The following CPNE8 variants were observed in gnomAD, a reference collection of about 807,000 sequenced individuals.
CPNE8 encodes copine 8.
CPNE8 carries 45 observed loss-of-function variants against 81.5 expected under a neutral mutation model. That is an observed-to-expected ratio of 0.55 (90% confidence interval 0.44 to 0.71). The LOEUF is 0.71. CPNE8 is among the 30% of genes least tolerant of loss of function. The pLI, the probability that CPNE8 is intolerant of heterozygous loss-of-function variation, is 0.00. For synonymous variants in CPNE8, 252 were observed against 226.3 expected (o/e 1.11, Z -1.02); for missense variants, 594 against 672.1 (o/e 0.88, Z 1.28).
At chr12:38,796,919 T>C (rs746708657) in intron 6 of CPNE8, among the ~76,000 whole-genome samples, 1 of 152,204 alleles carries the variant, frequency 6.6e-6, no homozygotes, top group Admixed American at 6.5e-5. Context: ...CAGAGGGTCC[T>C]ACGTCCATGG....
chr12:38,777,141 C>A (rs1941954118), intron 6 of CPNE8, among the ~76,000 whole-genome samples: 1 of 151,916 alleles, frequency 6.6e-6, no homozygotes, highest in South Asian at 2.1e-4. Flanking sequence ...GGTACTGCCC[C>A]TGAAGGTTTT....
intron 7 of CPNE8, among the ~76,000 whole-genome samples, chr12:38,772,431 A>G (rs889790368): frequency 2.0e-5 from 3 of 152,220 alleles, no homozygotes; most frequent in Non-Finnish European, 2.9e-5. Flanking sequence ...TAAAAAATAG[A>G]AAATCAACCC....
chr12:38,703,415 T>G (rs182215560), intron 13 of CPNE8, among the ~76,000 whole-genome samples: 20 of 152,230 alleles, frequency 1.3e-4, no homozygotes, highest in African/African-American at 4.6e-4. Flanking sequence ...CATCCCTTCC[T>G]GATAAAACCC....
chr12:38,813,737 G>A lies in CPNE8; in HGVS notation c.407+15642C>T, dbSNP rs1394678270. On this transcript the variant is annotated intron_variant, in intron 6 of 19. Coordinates refer to ENST00000331366, the MANE Select transcript of CPNE8 (RefSeq NM_153634.3). ...CCATTAAGAGCTACAGAAATTTTCA[G>A]GAAAAGATTTTCACCCAGAATTCTG... 3.3e-5 allele frequency among the ~76,000 whole-genome samples: 5 copies of A among 152,122 alleles called. No homozygotes were observed. In the East Asian group the frequency reaches 5.8e-4, roughly 18 times the overall value.
chr12:38,688,261 T>C (rs375830494), intron 15 of CPNE8, among the ~76,000 whole-genome samples: 1 of 152,334 alleles, frequency 6.6e-6, no homozygotes, highest in East Asian at 1.9e-4. Context: ...AATCATTAGA[T>C]GTTCTATTCA....
intron 1 of CPNE8, among the ~76,000 whole-genome samples, chr12:38,901,280 A>G: frequency 6.6e-6 from 1 of 152,292 alleles, no homozygotes; most frequent in South Asian, 2.1e-4. Flanking sequence ...CAGGATGTAC[A>G]TTTGATACCT....
chr12:38,852,573 G>A (rs1943663879), intron 3 of CPNE8, among the ~76,000 whole-genome samples: 1 of 152,058 alleles, frequency 6.6e-6, no homozygotes, highest in Non-Finnish European at 1.5e-5. Flanking sequence ...TTGCATTTCA[G>A]CCTGGGCAAC....
upstream of CPNE8, chr12:38,905,956 G>A (rs1203207071): frequency 1.0e-6 from 1 of 985,240 alleles, no homozygotes; most frequent in East Asian, 1.1e-4. Context: ...GTGCTTTTAG[G>A]TTTTGTCTCC....
chr12:38,828,603 T>G (rs558958034), intron 6 of CPNE8, among the ~76,000 whole-genome samples: 3 of 152,178 alleles, frequency 2.0e-5, no homozygotes, highest in African/African-American at 2.4e-5. Context: ...ATATTTATTT[T>G]TTGAGTTTGA....
At chr12:38,691,575 T>A (rs1186374650) in intron 15 of CPNE8, among the ~76,000 whole-genome samples, 1 of 151,910 alleles carries the variant, frequency 6.6e-6, no homozygotes, top group Non-Finnish European at 1.5e-5. Flanking sequence ...TGAAACATTA[T>A]CATTAACATA....
At chr12:38,739,832 T>C (rs1941048094) in intron 10 of CPNE8, among the ~76,000 whole-genome samples, 2 of 152,168 alleles carry the variant, frequency 1.3e-5, no homozygotes, top group African/African-American at 4.8e-5. Context: ...AACATATGCA[T>C]TCCAATGGCT....
At chr12:38,720,521 C>T (rs967681042) in intron 13 of CPNE8, 1 of 152,064 alleles carries the variant, frequency 6.6e-6, no homozygotes, top group Non-Finnish European at 1.5e-5. Context: ...AAAAACAAGA[C>T]AAAAACTGAA....
intron 19 of CPNE8, among the ~76,000 whole-genome samples, chr12:38,661,742 T>G (rs1938958545): frequency 6.6e-6 from 1 of 152,046 alleles, no homozygotes; most frequent in African/African-American, 2.4e-5. Flanking sequence ...TGAACATAGA[T>G]GCAAACATCT....
intron 3 of CPNE8, among the ~76,000 whole-genome samples, chr12:38,870,370 T>C (rs1487143604): frequency 6.6e-6 from 1 of 152,174 alleles, no homozygotes; most frequent in Non-Finnish European, 1.5e-5. Context: ...CTGTTCACAA[T>C]AGCAAAGACT....
rs11169458 is a variant in CPNE8 at position 38,766,372 on chromosome 12, G to A, written c.575+1263C>T. 3.8e-4 allele frequency among the ~76,000 whole-genome samples: 58 copies of A among 152,066 alleles called. 1 individual carries two copies. The South Asian group carries it at 0.011, about 30-fold the overall frequency. ...ATTCTTGAGGTTTTCCTCTATTTTC[G>A]AAATGCCTGGCAAATATTATTTTCT... On this transcript the variant is annotated intron_variant, in intron 8 of 19. Coordinates refer to ENST00000331366, the MANE Select transcript of CPNE8 (RefSeq NM_153634.3).
At chr12:38,851,482 C>A (rs1943645753) in intron 3 of CPNE8, among the ~76,000 whole-genome samples, 1 of 152,202 alleles carries the variant, frequency 6.6e-6, no homozygotes, top group Admixed American at 6.5e-5. Flanking sequence ...TCAAGTCTTT[C>A]TTTTTAATCT....
intron 3 of CPNE8, among the ~76,000 whole-genome samples, chr12:38,866,890 G>T (rs900539701): frequency 8.6e-5 from 13 of 151,910 alleles, no homozygotes; most frequent in Admixed American, 7.2e-4. Flanking sequence ...ACAAAGTATC[G>T]CTCTGTCACC....
chr12:38,702,065 G>C (rs747941019), intron 14 of CPNE8, among the ~76,000 whole-genome samples: 1 of 151,924 alleles, frequency 6.6e-6, no homozygotes, highest in Non-Finnish European at 1.5e-5. Flanking sequence ...CTATTGTTTT[G>C]TAAAACGTGA....
chr12:38,848,407 G>T, intron 4 of CPNE8, 152 bp downstream of exon 4: 1 of 1,267,676 alleles, frequency 7.9e-7, no homozygotes, highest in Non-Finnish European at 1.0e-6. Flanking sequence ...ATGCAAAGCA[G>T]GGGGCTTGCT....
Sources: allele counts gnomAD v4.1 joint callset (sites outside exome capture counted in the v4.1 genomes callset), GRCh38; gene constraint gnomAD v4.1.1; transcripts MANE v1.5; gene names NCBI Gene and HGNC (gene_info 2026-07-23, HGNC 2026-07-21).